Variants in GALK2 observed in about 807,000 individuals in gnomAD.
GALK2 encodes the protein galactokinase 2, also known as N-acetylgalactosamine kinase.
In GALK2, 36 loss-of-function variants were observed where a neutral mutation model predicts 52.4. That is an observed-to-expected ratio of 0.69 (90% CI 0.53 to 0.91). The LOEUF is 0.91. GALK2 is among the 40% of genes least tolerant of loss of function. The pLI is 0.00. For synonymous variants in GALK2, 176 were observed against 199.1 expected (o/e 0.88, Z 0.98); for missense variants, 579 against 559.1 (o/e 1.04, Z -0.36).
chr15:49,270,059 G>A (rs986759170), intron 5 of GALK2, among the ~76,000 whole-genome samples: 1 of 151,896 alleles, frequency 6.6e-6, no homozygotes, highest in East Asian at 1.9e-4. Context: ...GTTTATCATC[G>A]CTCCCCTAAC....
chr15:49,312,120 C>T (rs910639696), intron 8 of GALK2, among the ~76,000 whole-genome samples: 1 of 152,208 alleles, frequency 6.6e-6, no homozygotes, highest in African/African-American at 2.4e-5. Context: ...GCATCTAGAT[C>T]CAGACACCCT....
At chr15:49,334,713 T>C (rs1254625531), downstream of GALK2, among the ~76,000 whole-genome samples, 4 of 152,138 alleles carry the variant, frequency 2.6e-5, no homozygotes, top group Admixed American at 2.0e-4. Context: ...ACATAACTGG[T>C]GGTCCTCCAT....
chr15:49,158,050 G>T (rs1257745434), intron 1 of GALK2, among the ~76,000 whole-genome samples: 2 of 152,020 alleles, frequency 1.3e-5, no homozygotes, highest in Admixed American at 1.3e-4. Context: ...ATGACCTAAG[G>T]TTTCTGTAGT....
At chr15:49,366,662 G>A in intron 3 of GALK2, 1 of 1,537,396 alleles carries the variant, frequency 6.5e-7, no homozygotes, top group Non-Finnish European at 8.9e-7. Flanking sequence ...CGTGGCAGGG[G>A]ACAGCCGCCG....
intron 3 of GALK2, among the ~76,000 whole-genome samples, chr15:49,220,087 G>T (rs2089684133): frequency 1.4e-4 from 17 of 122,724 alleles, no homozygotes; most frequent in African/African-American, 1.9e-4. Context: ...TTGAGACAGA[G>T]TCTTGTTCTG....
rs558783225 is a variant in GALK2 at position 49,177,383 on chromosome 15, T to C, written c.53+7008T>C. On this transcript the variant is annotated intron_variant, in intron 1 of 9. Transcript: ENST00000560031. ...TTTTAAACACTGCCAGATAACTCCCTAATCAGATAAAGCAAAGACAAAAAA... is the reference window on the plus strand; with the variant it reads ...TTTTAAACACTGCCAGATAACTCCCCAATCAGATAAAGCAAAGACAAAAAA... 7.2e-5 allele frequency among the ~76,000 whole-genome samples: 11 copies of C among 152,338 alleles called. No individual in the cohort carries two copies. In the East Asian group the frequency reaches 2.1e-3, roughly 29 times the overall value.
intron 3 of GALK2, among the ~76,000 whole-genome samples, chr15:49,357,848 G>A (rs1039950540): frequency 1.3e-4 from 19 of 151,892 alleles, no homozygotes; most frequent in African/African-American, 3.4e-4. Flanking sequence ...ATAAAATACT[G>A]GCAAAACAAA....
At chr15:49,287,930 T>G (rs1440540784) in intron 7 of GALK2, among the ~76,000 whole-genome samples, 1 of 142,086 alleles carries the variant, frequency 7.0e-6, no homozygotes, top group Non-Finnish European at 1.5e-5. Flanking sequence ...TCAACTTCTT[T>G]CTCATCTTGT....
chr15:49,190,106 G>T (rs1174747000), intron 1 of GALK2, among the ~76,000 whole-genome samples: 1 of 152,132 alleles, frequency 6.6e-6, no homozygotes, highest in Non-Finnish European at 1.5e-5. Flanking sequence ...AGGGAAAATT[G>T]TGAAAAACTT....
At position 49,296,285 on chromosome 15, in the gene GALK2, T is replaced by C. The variant is rs144605486; in HGVS notation, c.967+3748T>C. ...ACTCTCACTCTCCTACCACTGGCCA[T>C]CCTCAAGTAGGCCCTGGTGTGTACT... On this transcript the variant is annotated intron_variant, in intron 8 of 9. Coordinates refer to ENST00000560031, the MANE Select transcript of GALK2 (RefSeq NM_002044.4). 3.1e-3 allele frequency among the ~76,000 whole-genome samples: 470 copies of C among 152,258 alleles called. 2 individuals are homozygous for C. The highest frequency in any genetic ancestry group is 0.031 in the Middle Eastern group (9 of 294).
intron 1 of GALK2, among the ~76,000 whole-genome samples, chr15:49,158,448 C>A (rs2084531218): frequency 6.6e-6 from 1 of 152,104 alleles, no homozygotes; most frequent in Non-Finnish European, 1.5e-5. Context: ...ATATAAAATG[C>A]ATTTTAAAAC....
At chr15:49,258,418 C>T (rs2091909443) in intron 5 of GALK2, among the ~76,000 whole-genome samples, 1 of 151,950 alleles carries the variant, frequency 6.6e-6, no homozygotes, top group Non-Finnish European at 1.5e-5. Context: ...AAGGGCATTC[C>T]AGACTGAAGG....
At chr15:49,236,000 ATTTAT>A in intron 4 of GALK2, 59 bp downstream of exon 4, 3 of 954,352 alleles carry the variant, frequency 3.1e-6, no homozygotes, top group Non-Finnish European at 5.1e-6. Context: ...ATTCTGTCAG[ATTTAT>A]TTTATTTACT....
In GALK2 at chr15:49,331,491, AAAC is replaced by A. The variant is rs1413369170; in HGVS notation, c.*3334_*3336del. The A allele has an allele frequency of 3.1e-6, 1 of 323,478 alleles. No individual in the cohort carries two copies. The highest frequency in any genetic ancestry group is 5.7e-6 in the Non-Finnish European group (1 of 176,598). The allele number at this position is 323,478 out of a possible 1,614,324, so 20.0% of individuals were successfully genotyped here. A position where few individuals can be genotyped will look rare whatever the true frequency, so the allele number is the denominator to read the frequency against. On this transcript the variant is annotated 3_prime_UTR_variant, in exon 10 of 10. Transcript: ENST00000560031. ...TTATTAATGAAAAACTTACAATTTT[AAAC>A]ATCAGTGATTATTAGTTTGTAATTC...
At chr15:49,357,065 T>C (rs1179044853) in intron 3 of GALK2, among the ~76,000 whole-genome samples, 1 of 150,722 alleles carries the variant, frequency 6.6e-6, no homozygotes, top group Non-Finnish European at 1.5e-5. Context: ...TACCAGAATC[T>C]CTGGGATGCA....
chr15:49,348,909 ACAAAC>A (rs1229065824), intron 3 of GALK2, among the ~76,000 whole-genome samples: 1 of 152,184 alleles, frequency 6.6e-6, no homozygotes, highest in African/African-American at 2.4e-5. Context: ...CCTAAATTGA[ACAAAC>A]CAACCTATTA....
chr15:49,235,540 G>T, intron 3 of GALK2: 1 of 499,498 alleles, frequency 2.0e-6, no homozygotes, highest in South Asian at 1.6e-5. Context: ...CATTCATGTG[G>T]TTTACACCAG....
intron 1 of GALK2, among the ~76,000 whole-genome samples, chr15:49,180,279 T>A (rs1204315172): frequency 6.6e-6 from 1 of 152,190 alleles, no homozygotes; most frequent in Non-Finnish European, 1.5e-5. Context: ...GTATATGATT[T>A]TCACAGGCAG....
chr15:49,262,714 A>C (rs1300840483), intron 5 of GALK2, among the ~76,000 whole-genome samples: 1 of 145,650 alleles, frequency 6.9e-6, no homozygotes, highest in Non-Finnish European at 1.5e-5. Flanking sequence ...TTAGTGCTAT[A>C]AATTTCCCTC....
Sources: gnomAD v4.1 joint callset for allele counts (sites outside exome capture counted in the v4.1 genomes callset) on GRCh38, gnomAD v4.1.1 for gene constraint, MANE v1.5 for transcripts, NCBI Gene and HGNC (gene_info 2026-07-23, HGNC 2026-07-21) for gene names.